ADCY2: variants seen among roughly 807,000 people sequenced by gnomAD.
ADCY2 encodes adenylate cyclase type 2.
A neutral mutation model predicts 125.2 loss-of-function variants in ADCY2; 31 were observed. The observed-to-expected ratio is 0.25, with a 90% CI of 0.19 to 0.33. ADCY2 has a LOEUF of 0.33. ADCY2 is among the 10% of genes least tolerant of loss of function. The pLI is 1.00. For synonymous variants in ADCY2, 512 were observed against 548.4 expected (o/e 0.93, Z 0.93); for missense variants, 904 against 1,418.2 (o/e 0.64, Z 5.82).
chr5:7,492,320 A>T (rs1743192496), intron 2 of ADCY2, among the ~76,000 whole-genome samples: 6 of 152,206 alleles, frequency 3.9e-5, no homozygotes. Context: ...ACACCACAGG[A>T]TGGAATGTTT....
rs910031400 is a variant in ADCY2 at position 7,600,745 on chromosome 5, G to T, written c.571-25422G>T. 2.6e-5 allele frequency among the ~76,000 whole-genome samples: 4 copies of T among 152,318 alleles called. No homozygotes were observed. The East Asian group carries it at 7.7e-4, about 29-fold the overall frequency. ...CAGTGCAGGTGGTCACCAGGGGTCT[G>T]GTGGGTAAATTCAGACCATCTGTGG... On this transcript the variant is annotated intron_variant, in intron 3 of 24. Coordinates refer to ENST00000338316, the MANE Select transcript of ADCY2 (RefSeq NM_020546.3).
intron 2 of ADCY2, among the ~76,000 whole-genome samples, chr5:7,440,025 T>G (rs535136577): frequency 6.6e-6 from 1 of 152,152 alleles, no homozygotes; most frequent in South Asian, 2.1e-4. Flanking sequence ...AGAAGAGGGG[T>G]GGACAGCATC....
At chr5:7,654,170 T>C (rs754283354) in intron 4 of ADCY2, 30 of 455,012 alleles carry the variant, frequency 6.6e-5, no homozygotes, top group Non-Finnish European at 1.2e-4. Context: ...TGGGAAGAGA[T>C]GGCGCATCCA....
chr5:7,578,230 G>A (rs886930439), intron 3 of ADCY2, among the ~76,000 whole-genome samples: 11 of 152,202 alleles, frequency 7.2e-5, no homozygotes, highest in Admixed American at 7.2e-4. Flanking sequence ...TTCTTGGCAT[G>A]TAATGTCTGA....
chr5:7,506,980 G>T (rs1269660949), intron 2 of ADCY2, among the ~76,000 whole-genome samples: 2 of 148,736 alleles, frequency 1.3e-5, no homozygotes, highest in African/African-American at 2.5e-5. Context: ...GTACAGACGG[G>T]GTTTCACCGT....
At chr5:7,715,581 A>C (rs888001986) in intron 11 of ADCY2, among the ~76,000 whole-genome samples, 12 of 152,124 alleles carry the variant, frequency 7.9e-5, no homozygotes, top group Admixed American at 5.9e-4. Context: ...GGAAAATAAA[A>C]ATTAATTTGC....
chr5:7,713,442 C>T (rs1268101500), intron 11 of ADCY2, among the ~76,000 whole-genome samples: 7 of 150,890 alleles, frequency 4.6e-5, no homozygotes, highest in Admixed American at 2.6e-4. Context: ...TACAGTGAGC[C>T]GAGATCGTGC....
intron 3 of ADCY2, among the ~76,000 whole-genome samples, chr5:7,542,226 T>C (rs766379291): frequency 6.6e-6 from 1 of 152,186 alleles, no homozygotes; most frequent in Non-Finnish European, 1.5e-5. Flanking sequence ...CTCAGCTTTC[T>C]CAGAACTCAT....
intron 3 of ADCY2, among the ~76,000 whole-genome samples, chr5:7,550,836 C>T (rs1036945246): frequency 7.2e-5 from 11 of 152,176 alleles, no homozygotes; most frequent in African/African-American, 2.4e-4. Context: ...ATGCCTGAGC[C>T]ACCTGCTCCC....
At chr5:7,508,615 T>C (rs1743936102) in intron 2 of ADCY2, among the ~76,000 whole-genome samples, 1 of 152,146 alleles carries the variant, frequency 6.6e-6, no homozygotes, top group Non-Finnish European at 1.5e-5. Context: ...CAAGGTGTTG[T>C]TGCCACCCAT....
Position 7,396,339 on chromosome 5 carries a change from C to T in ADCY2, c.43C>T (p.Arg15Cys), listed in dbSNP as rs761453485. Residue 15 changes from arginine to cysteine, a missense_variant, in exon 1 of 25, where the codon CGC becomes TGC. Arg to Cys is a radical substitution (Grantham distance 180). This residue lies in a region of ADCY2 where 113 missense variants were observed against 108.0 expected (regional missense o/e 1.05). Coordinates refer to ENST00000338316, the MANE Select transcript of ADCY2 (RefSeq NM_020546.3). The surrounding 1 kb of genome is among the most constrained non-coding windows in gnomAD (Gnocchi z 5.7). ...AMRRRRYLRD[R>C]SEEAAGGGDG... ...GCGGCGCCGCCGCTACCTGCGGGAC[C>T]GCTCCGAGGAGGCGGCGGGCGGCGG... The T allele has an allele frequency of 6.5e-7, 1 of 1,530,222 alleles. No individual in the cohort carries two copies. Among genetic ancestry groups the T allele is most frequent in the Non-Finnish European group, 8.8e-7 (1 of 1,139,672 alleles). 94.8% of individuals were successfully genotyped at this position (1,530,222 alleles called of 1,614,324 possible). A position where few individuals can be genotyped will look rare whatever the true frequency, so the allele number is the denominator to read the frequency against.
At chr5:7,516,837 A>G (rs1300050425) in intron 2 of ADCY2, among the ~76,000 whole-genome samples, 1 of 152,148 alleles carries the variant, frequency 6.6e-6, no homozygotes, top group African/African-American at 2.4e-5. Context: ...CAGAAACGCC[A>G]GTAACCAGCT....
chr5:7,500,138 C>T (rs1743508808), intron 2 of ADCY2, among the ~76,000 whole-genome samples: 1 of 152,118 alleles, frequency 6.6e-6, no homozygotes, highest in African/African-American at 2.4e-5. Context: ...ATGTTTCTTG[C>T]CCCAGTCCTA....
intron 4 of ADCY2, among the ~76,000 whole-genome samples, chr5:7,666,852 C>T (rs1343331557): frequency 1.3e-5 from 2 of 152,286 alleles, no homozygotes; most frequent in South Asian, 4.2e-4. Context: ...GTCTTCCCTC[C>T]GTGTGCTTGC....
At chr5:7,784,257 G>T in intron 18 of ADCY2, 108 bp from the exon 19 acceptor site, 2 of 805,164 alleles carry the variant, frequency 2.5e-6, no homozygotes, top group Admixed American at 2.2e-5. Flanking sequence ...GGTATATGAT[G>T]TAGACAGGCA....
chr5:7,573,638 T>G (rs1211833232), intron 3 of ADCY2, among the ~76,000 whole-genome samples: 3 of 147,152 alleles, frequency 2.0e-5, no homozygotes, highest in East Asian at 4.0e-4. Flanking sequence ...AGCTGCAGGC[T>G]TTATTGAGCA....
intron 2 of ADCY2, among the ~76,000 whole-genome samples, chr5:7,427,290 CTGCTG>C (rs1740420771): frequency 6.6e-6 from 1 of 152,192 alleles, no homozygotes; most frequent in Non-Finnish European, 1.5e-5. Flanking sequence ...CATTCTCATG[CTGCTG>C]TAAAGGACTG....
At chr5:7,598,929 G>A (rs1011741955) in intron 3 of ADCY2, among the ~76,000 whole-genome samples, 9 of 152,220 alleles carry the variant, frequency 5.9e-5, no homozygotes, top group South Asian at 4.1e-4. Flanking sequence ...TGAAGGAGAC[G>A]TGGACATTTT....
chr5:7,698,148 G>A, intron 6 of ADCY2, 99 bp from the exon 7 acceptor site: 10 of 1,461,984 alleles, frequency 6.8e-6, no homozygotes, highest in Non-Finnish European at 9.4e-6. Flanking sequence ...GATGCCCCTG[G>A]AATGGTGTGA....
Sources: gnomAD v4.1 joint callset for allele counts (sites outside exome capture counted in the v4.1 genomes callset) on GRCh38, gnomAD v4.1.1 for gene constraint, gnomAD v4.1.1 regional missense constraint, Gnocchi (gnomAD v3.1) non-coding constraint, MANE v1.5 for transcripts, NCBI Gene and HGNC (gene_info 2026-07-23, HGNC 2026-07-21) for gene names.